Variants in DDX60 observed in about 807,000 individuals in gnomAD.
DDX60 encodes the protein probable ATP-dependent RNA helicase DDX60.
In DDX60, 165 loss-of-function variants were observed where a neutral mutation model predicts 212.8. That is an observed-to-expected ratio of 0.78 (90% CI 0.68 to 0.88). The LOEUF is 0.88. Among genes scored for constraint, DDX60 ranks in the 40% least tolerant of loss-of-function variants. DDX60 has a pLI of 0.00. For missense variants in DDX60, 1,905 were observed against 2,003.9 expected, an observed-to-expected ratio of 0.95 and a Z score of 0.94; for synonymous variants, 703 against 685.3, an observed-to-expected ratio of 1.03 and a Z score of -0.40.
At chr4:168,261,169 C>A (rs1446537611) in intron 24 of DDX60, among the ~76,000 whole-genome samples, 180 bp from the exon 25 acceptor site, 1 of 152,000 alleles carries the variant, frequency 6.6e-6, no homozygotes, top group Non-Finnish European at 1.5e-5. Context: ...CAAACCCATA[C>A]ACTAGAGAAC....
At chr4:168,311,663 G>A (rs1235232771) in intron 1 of DDX60, among the ~76,000 whole-genome samples, 1 of 152,144 alleles carries the variant, frequency 6.6e-6, no homozygotes, top group East Asian at 1.9e-4. Flanking sequence ...TAGCATTTCT[G>A]GCAGAGGAAA....
intron 33 of DDX60, among the ~76,000 whole-genome samples, chr4:168,231,361 C>A (rs1309537505): frequency 6.6e-6 from 1 of 151,418 alleles, no homozygotes; most frequent in Non-Finnish European, 1.5e-5. Context: ...TTCTATGAAG[C>A]CAATATCATC....
At chr4:168,249,234 A>G (rs1225842459) in intron 28 of DDX60, among the ~76,000 whole-genome samples, 3 of 152,176 alleles carry the variant, frequency 2.0e-5, no homozygotes, top group African/African-American at 7.2e-5. Context: ...TCCCCCCTAA[A>G]TTGTCATAAC....
At chr4:168,297,436 T>C (rs1226076337) in intron 6 of DDX60, among the ~76,000 whole-genome samples, 1 of 149,878 alleles carries the variant, frequency 6.7e-6, no homozygotes, top group Admixed American at 6.6e-5. Context: ...AAAATAATCA[T>C]AGAAAAATGC....
Position 168,276,196 on chromosome 4 carries a change from A to T in DDX60, c.1979-15T>A, listed in dbSNP as rs762927589. On this transcript the variant is annotated splice_polypyrimidine_tract_variant and intron_variant, in intron 14 of 37. Transcript: ENST00000393743. ...CGTGGTTTTACCTTGATAAACAATA[A>T]ACAATAAAATTGTTATAAAGACCAT... 1 of 1,582,206 alleles carries T rather than the reference A, an allele frequency of 6.3e-7. No homozygotes were observed. Among genetic ancestry groups the T allele is most frequent in the South Asian group, 1.1e-5 (1 of 87,560 alleles).
chr4:168,311,352 T>A lies in DDX60; in HGVS notation c.-93A>T. ...GGTACCTCTAAGTGGCAGTTCTTAA[T>A]GAAAATGGCAGTCCTGCAAAAAAAG... On this transcript the variant is annotated 5_prime_UTR_variant, in exon 2 of 38. Transcript: ENST00000393743. 1 of 1,330,484 alleles carries A rather than the reference T, an allele frequency of 7.5e-7. No individual in the cohort carries two copies. The highest frequency in any genetic ancestry group is 1.1e-6 in the Non-Finnish European group (1 of 945,934). 82.4% of individuals were successfully genotyped at this position (1,330,484 alleles called of 1,614,324 possible). A position where few individuals can be genotyped will look rare whatever the true frequency, so the allele number is the denominator to read the frequency against.
At chr4:168,324,543 C>T in the DDX60 span, among the ~76,000 whole-genome samples, 2 of 152,010 alleles carry the variant, frequency 1.3e-5, no homozygotes, top group East Asian at 3.9e-4. Flanking sequence ...AAAGCATCAG[C>T]GAGATTAAGT....
intron 19 of DDX60, 48 bp from the exon 20 acceptor site, chr4:168,269,017 A>C: frequency 9.0e-7 from 1 of 1,115,822 alleles, no homozygotes; most frequent in Non-Finnish European, 1.3e-6. Context: ...TGATTTAAAA[A>C]TAGCAAATGA....
At chr4:168,263,746 GC>G (rs750287185) in intron 22 of DDX60, 1 of 152,088 alleles carries the variant, frequency 6.6e-6, no homozygotes, top group Non-Finnish European at 1.5e-5. Context: ...ATCTCCCAGG[GC>G]CTTGACCTTG....
intron 10 of DDX60, among the ~76,000 whole-genome samples, 169 bp from the exon 11 acceptor site, chr4:168,285,667 T>G (rs1176073707): frequency 1.3e-5 from 2 of 151,556 alleles, no homozygotes; most frequent in African/African-American, 4.9e-5. Flanking sequence ...GTAAAACACT[T>G]TGGAACACAG....
intron 33 of DDX60, among the ~76,000 whole-genome samples, chr4:168,235,255 C>T (rs764690837): frequency 6.6e-5 from 10 of 152,196 alleles, no homozygotes; most frequent in East Asian, 5.8e-4. Context: ...ATCCTCCCAC[C>T]TCTGCCTCCC....
intron 30 of DDX60, among the ~76,000 whole-genome samples, chr4:168,238,631 C>A (rs1042199807): frequency 1.7e-4 from 26 of 152,068 alleles, no homozygotes; most frequent in Admixed American, 1.7e-3. Context: ...TTTTTGCAAC[C>A]TCTTCGCTCT....
At chr4:168,266,019 T>C (rs543797439) in intron 22 of DDX60, among the ~76,000 whole-genome samples, 14 of 152,302 alleles carry the variant, frequency 9.2e-5, no homozygotes, top group African/African-American at 3.1e-4. Flanking sequence ...TTATTTAGAA[T>C]TTGGATTGGG....
intron 1 of DDX60, among the ~76,000 whole-genome samples, chr4:168,317,543 A>G (rs775931207): frequency 3.9e-5 from 6 of 152,182 alleles, no homozygotes; most frequent in Admixed American, 2.0e-4. Context: ...GAGCTACTTG[A>G]TGAAAGGCAT....
At chr4:168,240,415 C>A (rs1267636004) in intron 30 of DDX60, among the ~76,000 whole-genome samples, 1 of 152,132 alleles carries the variant, frequency 6.6e-6, no homozygotes, top group Non-Finnish European at 1.5e-5. Context: ...TTTATAGATT[C>A]AGTGCTATTC....
Position 168,221,839 on chromosome 4 carries a change from C to G in DDX60, c.4867G>C (p.Val1623Leu). 6.2e-7 allele frequency: 1 copy of G among 1,613,258 alleles called. No homozygotes were observed. The highest frequency in any genetic ancestry group is 1.3e-5 in the African/African-American group (1 of 75,008). The change falls in exon 36 of 38, where the codon GTG (valine) becomes CTG (leucine). Residue 1623 changes from valine to leucine, a missense_variant. Physicochemically the swap from Val to Leu is conservative, Grantham distance 32. Transcript: ENST00000393743. ...TIGVNRSQAPVLLSQKFDNRG... is the reference protein window; with the variant it reads ...TIGVNRSQAPLLLSQKFDNRG... Reference sequence around the variant, plus strand: ...TTATCAAATTTCTGTGACAACAGCACTGGAGCCTGAGAGCGATTGACACCG... The same window carrying G: ...TTATCAAATTTCTGTGACAACAGCAGTGGAGCCTGAGAGCGATTGACACCG...
chr4:168,287,345 A>T, intron 9 of DDX60, 142 bp from the exon 10 acceptor site: 1 of 696,682 alleles, frequency 1.4e-6, no homozygotes, highest in Non-Finnish European at 2.4e-6. Context: ...CACTGGACAT[A>T]AATGAAAATG....
At chr4:168,230,003 A>C (rs1733388251) in intron 33 of DDX60, among the ~76,000 whole-genome samples, 1 of 152,052 alleles carries the variant, frequency 6.6e-6, no homozygotes, top group Non-Finnish European at 1.5e-5. Flanking sequence ...GACTCACATA[A>C]ATTTAAGGGA....
chr4:168,226,314 T>C (rs1733252638), intron 33 of DDX60, among the ~76,000 whole-genome samples: 1 of 152,050 alleles, frequency 6.6e-6, no homozygotes, highest in African/African-American at 2.4e-5. Flanking sequence ...GAACACTTAA[T>C]GTGATGGGAT....
Sources: allele counts gnomAD v4.1 joint callset (sites outside exome capture counted in the v4.1 genomes callset), GRCh38; gene constraint gnomAD v4.1.1; transcripts MANE v1.5; gene names NCBI Gene and HGNC (gene_info 2026-07-23, HGNC 2026-07-21).